Variants in VPS50 observed in about 807,000 individuals in gnomAD.
VPS50 encodes VPS50 subunit of EARP/GARPII complex.
A neutral mutation model predicts 139.7 loss-of-function variants in VPS50; 70 were observed. That is an observed-to-expected ratio of 0.50 (90% CI 0.41 to 0.61). The LOEUF is 0.61. VPS50 is among the 20% of genes least tolerant of loss of function. The pLI, the probability that VPS50 is intolerant of heterozygous loss-of-function variation, is 0.00. For missense variants in VPS50, 921 were observed against 1,133.7 expected, an observed-to-expected ratio of 0.81 and a Z score of 2.69; for synonymous variants, 365 against 376.7, an observed-to-expected ratio of 0.97 and a Z score of 0.36.
In VPS50 at chr7:93,348,718, T is replaced by C; in HGVS notation, c.2215T>C (p.Leu739=). 1 of 1,610,270 alleles carries C rather than the reference T, an allele frequency of 6.2e-7. No individual in the cohort carries two copies. The highest frequency in any genetic ancestry group is 8.5e-7 in the Non-Finnish European group (1 of 1,176,666). ...RVVATESLVF[L]AEQFEFLQPH... ...GTTATTTATTCCCTTTAGGGTATTC[T>C]TGGCTGAACAGTTTGAGTTCCTTCA... The change falls in exon 24 of 28, where the codon TTG becomes CTG. Residue 739 remains leucine, a synonymous_variant. Transcript: ENST00000305866.
rs193125238 is a variant in VPS50, at chr7:93,312,434, C to T, written c.1855+1162C>T. ...CATGGTAGCTGTCTAGCTTCTGTTT[C>T]ATGACTCCCAGTCATTGGAAACACA... is the stretch of plus-strand genomic sequence containing the variant. On this transcript the variant is annotated intron_variant, in intron 20 of 27. Coordinates refer to ENST00000305866, the MANE Select transcript of VPS50 (RefSeq NM_017667.4). Among the ~76,000 whole-genome samples the T allele has an allele frequency of 2.0e-3, 310 of 152,234 alleles. 1 individual carries two copies. Among genetic ancestry groups the T allele is most frequent in the African/African-American group, 7.0e-3 (292 of 41,530 alleles).
chr7:93,349,564 T>C (rs1798500529), intron 24 of VPS50, among the ~76,000 whole-genome samples: 1 of 152,116 alleles, frequency 6.6e-6, no homozygotes, highest in Admixed American at 6.5e-5. Flanking sequence ...CCTGACATCA[T>C]GTAGTGGGAG....
intron 2 of VPS50, among the ~76,000 whole-genome samples, chr7:93,249,951 A>G (rs1386752484): frequency 6.6e-6 from 1 of 152,136 alleles, no homozygotes; most frequent in Non-Finnish European, 1.5e-5. Flanking sequence ...AGGGTGCTAA[A>G]TGGATTCCTG....
At chr7:93,314,933 T>G (rs1797380785) in intron 20 of VPS50, among the ~76,000 whole-genome samples, 1 of 151,986 alleles carries the variant, frequency 6.6e-6, no homozygotes, top group Non-Finnish European at 1.5e-5. Context: ...GCATTTTAAA[T>G]TGAAAGGTGA....
At position 93,308,841 on chromosome 7, in the gene VPS50, A is replaced by C. The variant is rs755100621; in HGVS notation, c.1647A>C (p.Gln549His). The change falls in exon 19 of 28, where the codon CAA becomes CAC. Residue 549 changes from glutamine (Q) to histidine (H), a missense_variant. Coordinates refer to ENST00000305866, the MANE Select transcript of VPS50 (RefSeq NM_017667.4). Reference sequence around the variant, plus strand: ...TTCTTCAGTATGAATCTGATGAACAAGAAAAGAGTGCCTATCAAGAGTATG... The same window carrying C: ...TTCTTCAGTATGAATCTGATGAACACGAAAAGAGTGCCTATCAAGAGTATG... The part of the protein sequence containing the change: ...LASNGYESDE[Q>H]EKSAYQEYDS... 1 of 1,599,430 alleles carries C rather than the reference A, an allele frequency of 6.3e-7. No individual in the cohort carries two copies. The highest frequency in any genetic ancestry group is 1.3e-5 in the African/African-American group (1 of 74,518).
At chr7:93,235,968 G>A (rs1259151466) in intron 1 of VPS50, among the ~76,000 whole-genome samples, 1 of 152,170 alleles carries the variant, frequency 6.6e-6, no homozygotes, top group Non-Finnish European at 1.5e-5. Context: ...AAAAACTCAG[G>A]GGGAAGTGGT....
At chr7:93,257,680 T>C (rs1443491962) in intron 6 of VPS50, 2 of 371,358 alleles carry the variant, frequency 5.4e-6, no homozygotes, top group Non-Finnish European at 9.4e-6. Context: ...TTACTATTTT[T>C]ATATTATTTA....
intron 2 of VPS50, among the ~76,000 whole-genome samples, chr7:93,249,393 C>T (rs543325961): frequency 4.0e-4 from 61 of 151,778 alleles, no homozygotes; most frequent in South Asian, 1.5e-3. Context: ...ACTAAGTTGC[C>T]GAGGGTTAAT....
chr7:93,272,811 A>G (rs1796048714), intron 11 of VPS50, 78 bp downstream of exon 11: 1 of 667,218 alleles, frequency 1.5e-6, no homozygotes, highest in Admixed American at 2.8e-5. Context: ...GAATATTATT[A>G]ATCTCATGTC....
intron 23 of VPS50, among the ~76,000 whole-genome samples, chr7:93,347,832 G>A (rs547772873): frequency 8.6e-6 from 1 of 115,628 alleles, no homozygotes; most frequent in Non-Finnish European, 1.7e-5. Flanking sequence ...GTTGTGGGGT[G>A]GGGGGAGGGG....
intron 22 of VPS50, chr7:93,340,837 G>A (rs1469037170): frequency 6.6e-6 from 1 of 152,304 alleles, no homozygotes. Context: ...TCTCCTGGAT[G>A]GTGCTGAAGA....
At chr7:93,274,040 T>C (rs1490715334) in intron 11 of VPS50, among the ~76,000 whole-genome samples, 1 of 152,154 alleles carries the variant, frequency 6.6e-6, no homozygotes, top group Non-Finnish European at 1.5e-5. Context: ...GTGTGTGTTC[T>C]GACCGCTGTA....
chr7:93,316,794 T>C (rs1284190043), intron 20 of VPS50, among the ~76,000 whole-genome samples: 1 of 152,180 alleles, frequency 6.6e-6, no homozygotes, highest in Non-Finnish European at 1.5e-5. Context: ...TCAGGATACA[T>C]AATTTGAGTC....
intron 2 of VPS50, among the ~76,000 whole-genome samples, chr7:93,240,241 ACACACACACT>A (rs1344558236): frequency 2.1e-5 from 3 of 145,940 alleles, no homozygotes; most frequent in African/African-American, 5.3e-5. Flanking sequence ...ACACACACAC[ACACACACACT>A]CTCTCTCTCT....
intron 16 of VPS50, 62 bp downstream of exon 16, chr7:93,297,305 A>G: frequency 2.2e-6 from 3 of 1,381,426 alleles, no homozygotes; most frequent in South Asian, 1.8e-5. Flanking sequence ...TTTGTCTAAT[A>G]CTTAATCTTA....
chr7:93,330,006 A>AT (rs1253880355), intron 21 of VPS50, among the ~76,000 whole-genome samples: 1 of 152,052 alleles, frequency 6.6e-6, no homozygotes, highest in Admixed American at 6.5e-5. Context: ...TCAAAAGATA[A>AT]TTTTTTTCTT....
intron 1 of VPS50, among the ~76,000 whole-genome samples, chr7:93,235,284 G>A (rs974948808): frequency 6.6e-6 from 1 of 152,164 alleles, no homozygotes; most frequent in African/African-American, 2.4e-5. Flanking sequence ...GAGGTTAGAT[G>A]ACTGAAGGCA....
At chr7:93,306,529 G>A (rs899709656) in intron 18 of VPS50, among the ~76,000 whole-genome samples, 9 of 151,992 alleles carry the variant, frequency 5.9e-5, no homozygotes, top group East Asian at 3.9e-4. Context: ...TTAACTAGAC[G>A]TAGTGTGAGT....
At chr7:93,323,436 A>C in intron 20 of VPS50, 175 bp from the exon 21 acceptor site, 1 of 227,994 alleles carries the variant, frequency 4.4e-6, no homozygotes, top group Non-Finnish European at 8.2e-6. Context: ...GTCCCATGCA[A>C]TAGCCATTAG....
Sources: gnomAD v4.1 joint callset for allele counts (sites outside exome capture counted in the v4.1 genomes callset) on GRCh38, gnomAD v4.1.1 for gene constraint, MANE v1.5 for transcripts, NCBI Gene and HGNC (gene_info 2026-07-23, HGNC 2026-07-21) for gene names.